Variants in MCF2L observed in about 807,000 individuals in gnomAD.
MCF2L encodes MCF.2 cell line derived transforming sequence like, also known as guanine nucleotide exchange factor DBS.
Under a neutral mutation model 153.4 loss-of-function variants are expected in MCF2L, and 97 were observed. The ratio of observed to expected loss-of-function variants is 0.63; its 90% CI spans 0.54 to 0.75. The LOEUF (loss-of-function observed/expected upper bound fraction) is 0.75, where lower values mean the gene tolerates loss of function less well. MCF2L is among the 30% of genes least tolerant of loss of function. MCF2L has a pLI of 0.00. For missense variants in MCF2L, 1,347 were observed against 1,495.2 expected (o/e 0.90, Z 1.64); for synonymous variants, 659 against 632.2 (o/e 1.04, Z -0.64).
Position 113,082,514 on chromosome 13 carries a change from A to T in MCF2L, c.1963A>T (p.Met655Leu). 6.2e-7 allele frequency: 1 copy of T among 1,613,730 alleles called. No homozygotes were observed. The highest frequency in any genetic ancestry group is 2.2e-5 in the East Asian group (1 of 44,874). The part of the protein sequence containing the change: ...HNKKDVLFGN[M>L]EEIYHFHNRI... Reference sequence around the variant, plus strand: ...CAAGAAGGATGTTTTGTTTGGAAACATGGAGGAAATCTATCACTTCCACAA... The same window carrying T: ...CAAGAAGGATGTTTTGTTTGGAAACTTGGAGGAAATCTATCACTTCCACAA... Residue 655 changes from methionine to leucine, a missense_variant, in exon 17 of 30, where the codon ATG becomes TTG. Physicochemically the swap from Met to Leu is conservative, Grantham distance 15. This residue lies in a region of MCF2L where 820 missense variants were observed against 921.2 expected (regional missense o/e 0.89). Transcript: ENST00000535094.
intron 2 of MCF2L, among the ~76,000 whole-genome samples, chr13:113,022,487 C>A (rs3011516): frequency 6.6e-6 from 1 of 151,586 alleles, no homozygotes; most frequent in African/African-American, 2.4e-5. Flanking sequence ...CTGCCGTCGG[C>A]GTCACTCCAC....
At chr13:112,977,293 C>T (rs2082249911) in intron 1 of MCF2L, among the ~76,000 whole-genome samples, 2 of 152,182 alleles carry the variant, frequency 1.3e-5, no homozygotes, top group South Asian at 2.1e-4. Context: ...CAACCATTCT[C>T]GAGCCTCCCT....
In MCF2L at chr13:113,087,800, G is replaced by A. The variant is rs1454246184; in HGVS notation, c.2688+1G>A. ...GCGCGAGGAGGTCTACATCGTCCAG[G>A]TGGGCCACCCACCCTACCCCTGGCC... On this transcript the variant is annotated splice_donor_variant, in intron 23 of 29. Transcript: ENST00000535094. LOFTEE classifies it high-confidence loss of function. 6.2e-7 allele frequency: 1 copy of A among 1,613,694 alleles called. No homozygotes were observed. Among genetic ancestry groups the A allele is most frequent in the Admixed American group, 1.7e-5 (1 of 60,028 alleles).
At chr13:113,025,825 C>T (rs1389542299) in intron 3 of MCF2L, among the ~76,000 whole-genome samples, 1 of 149,580 alleles carries the variant, frequency 6.7e-6, no homozygotes, top group Non-Finnish European at 1.5e-5. Flanking sequence ...TGGGTCGGGG[C>T]AGAGTCTCTG....
chr13:113,005,011 G>A (rs914827977), intron 1 of MCF2L, among the ~76,000 whole-genome samples: 4 of 152,166 alleles, frequency 2.6e-5, no homozygotes, highest in South Asian at 2.1e-4. Context: ...GGTGGGTATC[G>A]GGGAAAGGAG....
intron 3 of MCF2L, among the ~76,000 whole-genome samples, chr13:113,026,694 G>A (rs2085332159): frequency 6.6e-6 from 1 of 152,266 alleles, no homozygotes. Context: ...TCGTGGTCAG[G>A]CCCTGGGGGC....
Position 112,941,695 on chromosome 13 carries a change from A to G in MCF2L, c.169+39324A>G, listed in dbSNP as rs2081576965. On this transcript the variant is annotated intron_variant, in intron 2 of 29. Coordinates refer to the MCF2L transcript ENST00000375608. This position sits in a 1 kb window ranked among gnomAD's most constrained non-coding sequence, Gnocchi z 4.9. The stretch of plus-strand genomic sequence containing the variant: ...CCAAGGGCACGAGCTGTTCCAGTAT[A>G]ATAAAATATATAAAATAAGAATAGT... 2.6e-5 allele frequency among the ~76,000 whole-genome samples: 4 copies of G among 152,312 alleles called. No individual in the cohort carries two copies. The highest frequency in any genetic ancestry group is 5.9e-5 in the Non-Finnish European group (4 of 68,026).
chr13:112,974,978 T>C (rs150981211), intron 1 of MCF2L, among the ~76,000 whole-genome samples: 14 of 152,326 alleles, frequency 9.2e-5, no homozygotes, highest in Non-Finnish European at 1.6e-4. Context: ...ACTCTCAACA[T>C]AGCCCCTTCT....
chr13:112,922,438 G>A (rs2081362010), intron 2 of MCF2L, among the ~76,000 whole-genome samples: 1 of 151,876 alleles, frequency 6.6e-6, no homozygotes, highest in Non-Finnish European at 1.5e-5. Flanking sequence ...CCCAAACCTG[G>A]CAACATAGTA....
At chr13:112,987,673 C>A (rs978892946) in intron 1 of MCF2L, among the ~76,000 whole-genome samples, 2 of 152,214 alleles carry the variant, frequency 1.3e-5, no homozygotes, top group Non-Finnish European at 2.9e-5. Context: ...GGTCTTTGCA[C>A]GGTGGTGAGA....
chr13:112,935,508 C>T (rs146388129), intron 2 of MCF2L, among the ~76,000 whole-genome samples: 334 of 152,246 alleles, frequency 2.2e-3, no homozygotes, highest in African/African-American at 7.7e-3. Flanking sequence ...CCACCTGTCT[C>T]GGCCTCCCAA....
At chr13:112,957,304 A>G (rs2081770180) in intron 2 of MCF2L, 1 of 152,224 alleles carries the variant, frequency 6.6e-6, no homozygotes, top group Non-Finnish European at 1.5e-5. Context: ...TAGAGGACGC[A>G]GTATTTTCAG....
Position 113,083,984 on chromosome 13 carries a change from CCTT to C in MCF2L, c.1992-10_1992-8del, listed in dbSNP as rs760678546. The C allele has an allele frequency of 1.9e-6, 3 of 1,608,788 alleles. No homozygotes were observed. The South Asian group carries it at 3.3e-5, about 18-fold the overall frequency. On this transcript the variant is annotated splice_polypyrimidine_tract_variant and intron_variant, in intron 17 of 29. Transcript: ENST00000535094. ...GCCTGTCTTTCATACTACTTAAAAA[CCTT>C]CTTTGTCTAGGATATTCCTCAGGGA...
chr13:113,025,845 A>T (rs1312710602), intron 3 of MCF2L, among the ~76,000 whole-genome samples: 1 of 105,520 alleles, frequency 9.5e-6, no homozygotes, highest in Non-Finnish European at 2.0e-5. Flanking sequence ...GTGAGGTTTC[A>T]TCATGGTGGG....
chr13:112,917,371 C>T (rs141806889), intron 2 of MCF2L: 290 of 350,990 alleles, frequency 8.3e-4, no homozygotes, highest in African/African-American at 4.1e-3. Flanking sequence ...TGCCCGTATC[C>T]GACCTCCCGG....
At chr13:112,987,700 TC>T (rs2082705972) in intron 1 of MCF2L, among the ~76,000 whole-genome samples, 2 of 152,194 alleles carry the variant, frequency 1.3e-5, no homozygotes, top group Non-Finnish European at 2.9e-5. Flanking sequence ...GGCGTTGGGC[TC>T]CCTCGCCCCC....
chr13:112,897,315 G>A (rs2081077193), intron 1 of MCF2L, among the ~76,000 whole-genome samples: 1 of 151,992 alleles, frequency 6.6e-6, no homozygotes, highest in African/African-American at 2.4e-5. Context: ...TCGTGAACGT[G>A]GTGGTCAGGA....
Position 113,074,571 on chromosome 13 carries a change from G to A in MCF2L, c.1116+8G>A, listed in dbSNP as rs79013348. The A allele has an allele frequency of 3.1e-4, 492 of 1,612,420 alleles. 4 individuals carry two copies. In the East Asian group the frequency reaches 9.8e-3, roughly 32 times the overall value. On this transcript the variant is annotated splice_region_variant and intron_variant, in intron 10 of 29. Coordinates refer to ENST00000535094, the MANE Select transcript of MCF2L (RefSeq NM_001112732.3). This position sits in a 1 kb window ranked among gnomAD's most constrained non-coding sequence, Gnocchi z 4.2. ...TTCGAGGAGAAATCAGGCGTAAGGC[G>A]GGGTCCCGGCGGGGGCGGCGGGAGA...
In MCF2L at chr13:113,035,877, T is replaced by C. The variant is rs1360853355; in HGVS notation, c.279-9394T>C. On this transcript the variant is annotated intron_variant, in intron 3 of 29. Transcript: ENST00000535094. This position sits in a 1 kb window ranked among gnomAD's most constrained non-coding sequence, Gnocchi z 4.4. ...CACGTTTAAAATGGCAGAGGCCCCT[T>C]TGGTAGTGAGTCTGTGTGACAGGCG... 6.6e-6 allele frequency among the ~76,000 whole-genome samples: 1 copy of C among 152,102 alleles called. No homozygotes were observed. Among genetic ancestry groups the C allele is most frequent in the Non-Finnish European group, 1.5e-5 (1 of 68,040 alleles).
Sources: allele counts gnomAD v4.1 joint callset (sites outside exome capture counted in the v4.1 genomes callset), GRCh38; gene constraint gnomAD v4.1.1; regional missense constraint gnomAD v4.1.1; non-coding constraint Gnocchi (gnomAD v3.1); transcripts MANE v1.5; gene names NCBI Gene and HGNC (gene_info 2026-07-23, HGNC 2026-07-21).